POLR1C: variants seen among roughly 807,000 people sequenced by gnomAD.
POLR1C encodes the protein DNA-directed RNA polymerases I and III subunit RPAC1.
A neutral mutation model predicts 38.3 loss-of-function variants in POLR1C; 42 were observed. The observed-to-expected ratio is 1.10, with a 90% CI of 0.86 to 1.42. The LOEUF (loss-of-function observed/expected upper bound fraction) is 1.42, where lower values mean the gene tolerates loss of function less well. POLR1C is among the 40% of genes most tolerant of loss of function. The pLI, the probability that POLR1C is intolerant of heterozygous loss-of-function variation, is 0.00. For missense variants in POLR1C, 507 were observed against 450.5 expected, an observed-to-expected ratio of 1.13 and a Z score of -1.14; for synonymous variants, 163 against 163.9, an observed-to-expected ratio of 0.99 and a Z score of 0.04.
In POLR1C at chr6:43,521,491, A is replaced by C. The variant is rs1048272458; in HGVS notation, c.*191A>C. 2 of 1,379,590 alleles carry C rather than the reference A, an allele frequency of 1.4e-6. No individual in the cohort carries two copies. The highest frequency in any genetic ancestry group is 2.9e-5 in the African/African-American group (2 of 68,158). The allele number at this position is 1,379,590 out of a possible 1,614,324, so 85.5% of individuals were successfully genotyped here. A position where few individuals can be genotyped will look rare whatever the true frequency, so the allele number is the denominator to read the frequency against. On this transcript the variant is annotated 3_prime_UTR_variant, in exon 9 of 9. Coordinates refer to ENST00000642195, the MANE Select transcript of POLR1C (RefSeq NM_203290.4). ...CGCCTTTATAAGGCCTTAGATGTAA[A>C]TAAACTCACCCAAACAAAAAAACTT...
At chr6:43,561,122 G>GAAAT in intron 10 of POLR1C, 1 of 860,262 alleles carries the variant, frequency 1.2e-6, no homozygotes, top group Non-Finnish European at 1.9e-6. Flanking sequence ...GTTTCAAAAG[G>GAAAT]ACTTTGTATT....
At chr6:43,523,978 C>G, downstream of POLR1C, 1 of 1,613,680 alleles carries the variant, frequency 6.2e-7, no homozygotes, top group Non-Finnish European at 8.5e-7. Flanking sequence ...ATGTGAACTT[C>G]TTTTCGGAAC....
At chr6:43,542,083 G>A (rs538959194) in intron 9 of POLR1C, among the ~76,000 whole-genome samples, 22 of 152,102 alleles carry the variant, frequency 1.4e-4, no homozygotes, top group Admixed American at 3.3e-4. Flanking sequence ...GCACCCGGCC[G>A]ATTTTAGAAA....
At chr6:43,521,563 T>G, downstream of POLR1C, 1 of 944,408 alleles carries the variant, frequency 1.1e-6, no homozygotes, top group East Asian at 5.5e-5. Flanking sequence ...CTCACTGTGT[T>G]GCCCAGGCTG....
chr6:43,529,345 A>G (rs1268908852), exon 9 of POLR1C: 1 of 495,238 alleles, frequency 2.0e-6, no homozygotes, highest in Non-Finnish European at 3.7e-6. Flanking sequence ...GAGCGAGACC[A>G]TCCTGGCTAA....
At chr6:43,523,509 A>T (rs1793329614), downstream of POLR1C, 2 of 420,114 alleles carry the variant, frequency 4.8e-6, no homozygotes, top group Admixed American at 6.4e-5. Context: ...AGGGTTGGGC[A>T]CAGCACCCTT....
At chr6:43,546,439 T>C in intron 9 of POLR1C, 1 of 868,808 alleles carries the variant, frequency 1.2e-6, no homozygotes, top group South Asian at 3.3e-5. Flanking sequence ...AGACACCCTC[T>C]AGAAAGAAAT....
chr6:43,522,991 T>TCCTAGGAGAAGACCAGCGGCTTTGCTA, downstream of POLR1C: 1 of 168,264 alleles, frequency 5.9e-6, no homozygotes, highest in African/African-American at 2.4e-5. Flanking sequence ...CTGGACTTAG[T>TCCTAGGAGAAGACCAGCGGCTTTGCTA]CCTAGGAGAA....
chr6:43,557,164 C>T (rs1172191802), intron 10 of POLR1C, among the ~76,000 whole-genome samples: 3 of 132,644 alleles, frequency 2.3e-5, no homozygotes, highest in Non-Finnish European at 3.1e-5. Flanking sequence ...TGGTGGCTTA[C>T]GCCTGTAATC....
chr6:43,523,794 GGGCCTAGAGATC>G, downstream of POLR1C: 1 of 1,611,824 alleles, frequency 6.2e-7, no homozygotes, highest in Admixed American at 1.7e-5. Flanking sequence ...AGTGCAAGAA[GGGCCTAGAGATC>G]GGCTACAAAG....
At chr6:43,535,247 G>A (rs532691617) in intron 9 of POLR1C, among the ~76,000 whole-genome samples, 9 of 151,232 alleles carry the variant, frequency 6.0e-5, no homozygotes, top group South Asian at 4.2e-4. Context: ...GCAACAGAGC[G>A]AGACTCTGTC....
intron 9 of POLR1C, among the ~76,000 whole-genome samples, chr6:43,534,922 G>A (rs1450845876): frequency 1.3e-5 from 2 of 151,882 alleles, no homozygotes; most frequent in African/African-American, 4.8e-5. Flanking sequence ...TTGAACTTGC[G>A]AGGCAGAGGT....
intron 10 of POLR1C, among the ~76,000 whole-genome samples, chr6:43,554,313 A>G (rs1467182323): frequency 6.6e-6 from 1 of 151,560 alleles, no homozygotes; most frequent in African/African-American, 2.4e-5. Context: ...AGGTTTCACC[A>G]TCTTGGCCAG....
At chr6:43,531,351 A>G, downstream of POLR1C, 1 of 822,842 alleles carries the variant, frequency 1.2e-6, no homozygotes, top group Non-Finnish European at 2.0e-6. Context: ...TAACACTAGA[A>G]TGATAAGTTT....
intron 8 of POLR1C, 22 bp from the exon 9 acceptor site, chr6:43,521,160 A>C: frequency 6.2e-7 from 1 of 1,613,172 alleles, no homozygotes; most frequent in Non-Finnish European, 8.5e-7. Context: ...TGCCTAGACT[A>C]AAGTGTCTCT....
intron 9 of POLR1C, among the ~76,000 whole-genome samples, chr6:43,538,201 G>C (rs1163205608): frequency 8.3e-6 from 1 of 120,360 alleles, no homozygotes; most frequent in East Asian, 2.9e-4. Flanking sequence ...TCAGGCTGGA[G>C]TACAATGGCG....
chr6:43,560,851 A>T, intron 10 of POLR1C: 2 of 1,215,872 alleles, frequency 1.6e-6, no homozygotes, highest in Middle Eastern at 1.9e-4. Context: ...ATCTACAATA[A>T]TATTTCAGGA....
At chr6:43,519,956 G>C in intron 4 of POLR1C, 110 bp from the exon 5 acceptor site, 1 of 1,542,474 alleles carries the variant, frequency 6.5e-7, no homozygotes, top group Non-Finnish European at 8.8e-7. Context: ...GAGAACACTT[G>C]CCTTGTCTCC....
chr6:43,525,308 T>TC, downstream of POLR1C: 1 of 1,224,946 alleles, frequency 8.2e-7, no homozygotes, highest in Non-Finnish European at 1.1e-6. Context: ...TTTTTTTTTT[T>TC]TCCTCCCCCC....
Sources: allele counts gnomAD v4.1 joint callset (sites outside exome capture counted in the v4.1 genomes callset), GRCh38; gene constraint gnomAD v4.1.1; transcripts MANE v1.5; gene names NCBI Gene and HGNC (gene_info 2026-07-23, HGNC 2026-07-21).